Variants in SOX6 observed in about 807,000 individuals in gnomAD.
SOX6 encodes SRY-box transcription factor 6.
In SOX6, 11 loss-of-function variants were observed where a neutral mutation model predicts 97.8. The observed-to-expected ratio is 0.11, with a 90% CI of 0.07 to 0.19. The LOEUF is 0.19. SOX6 is among the 10% of genes least tolerant of loss of function. SOX6 has a pLI of 1.00. For synonymous variants in SOX6, 360 were observed against 371.4 expected (o/e 0.97, Z 0.35); for missense variants, 810 against 1,039.5 (o/e 0.78, Z 3.04).
chr11:16,218,618 T>TAA (rs760258454), intron 4 of SOX6, among the ~76,000 whole-genome samples: 24 of 152,224 alleles, frequency 1.6e-4, no homozygotes, highest in Non-Finnish European at 3.5e-4. Flanking sequence ...GCTTTAAGCA[T>TAA]AAGAACACAA....
intron 6 of SOX6, among the ~76,000 whole-genome samples, chr11:16,138,607 T>A (rs577054664): frequency 1.1e-4 from 17 of 152,222 alleles, no homozygotes; most frequent in East Asian, 9.6e-4. Flanking sequence ...TGTGCAGGTT[T>A]ATTACATATG....
rs1796985299 is a variant in SOX6, at chr11:16,613,678, G to A, written n.430-1418C>T. ...AGACACGCGCGTATTCTGAAATTCTGGCCGAACTCCTCATCTAAACGGAAG... is the reference window on the plus strand; with the variant it reads ...AGACACGCGCGTATTCTGAAATTCTAGCCGAACTCCTCATCTAAACGGAAG... On this transcript the variant is annotated intron_variant and non_coding_transcript_variant, in intron 3 of 5. Coordinates refer to the SOX6 transcript ENST00000524520. This position sits in a 1 kb window ranked among gnomAD's most constrained non-coding sequence, Gnocchi z 4.6. 6.6e-6 allele frequency among the ~76,000 whole-genome samples: 1 copy of A among 152,118 alleles called. No homozygotes were observed. The highest frequency in any genetic ancestry group is 2.1e-4 in the South Asian group (1 of 4,822).
At chr11:16,382,356 A>G (rs911846906) in intron 1 of SOX6, 2 of 151,970 alleles carry the variant, frequency 1.3e-5, no homozygotes, top group African/African-American at 2.4e-5. Flanking sequence ...GGAAGCGTCT[A>G]TTGCTGTCAT....
intron 6 of SOX6, 120 bp from the exon 7 acceptor site, chr11:16,112,043 C>T: frequency 4.0e-6 from 5 of 1,235,538 alleles, no homozygotes; most frequent in Non-Finnish European, 4.6e-6. Flanking sequence ...AACCTCATTC[C>T]AAATCTGCAA....
At chr11:16,498,276 C>A (rs1860642410) in intron 4 of SOX6, among the ~76,000 whole-genome samples, 2 of 152,152 alleles carry the variant, frequency 1.3e-5, no homozygotes, top group Admixed American at 6.5e-5. Flanking sequence ...TTTGTCACCA[C>A]CAGGCCTGCC....
chr11:16,594,423 A>G (rs766370509), intron 4 of SOX6, among the ~76,000 whole-genome samples: 2 of 152,182 alleles, frequency 1.3e-5, no homozygotes, highest in Non-Finnish European at 2.9e-5. Context: ...TTCTTTAAAA[A>G]TGCCTTTAAG....
intron 3 of SOX6, among the ~76,000 whole-genome samples, chr11:16,683,687 T>C (rs1158325791): frequency 6.6e-6 from 1 of 152,140 alleles, no homozygotes; most frequent in Admixed American, 6.5e-5. Context: ...AAAGACTTCA[T>C]GACTAAAACA....
intron 4 of SOX6, among the ~76,000 whole-genome samples, chr11:16,584,783 A>T (rs1848074423): frequency 6.6e-6 from 1 of 152,196 alleles, no homozygotes; most frequent in Non-Finnish European, 1.5e-5. Context: ...TCAACACCAC[A>T]GCGGCCTTCA....
intron 1 of SOX6, among the ~76,000 whole-genome samples, chr11:16,464,416 T>C (rs1285455873): frequency 6.8e-6 from 1 of 146,470 alleles, no homozygotes; most frequent in South Asian, 2.1e-4. Context: ...ACTCAGCACA[T>C]AGCATACAGA....
At chr11:16,011,366 T>C (rs894353579) in intron 13 of SOX6, among the ~76,000 whole-genome samples, 1 of 152,134 alleles carries the variant, frequency 6.6e-6, no homozygotes, top group Non-Finnish European at 1.5e-5. Context: ...CCGGCACCAA[T>C]GAATTTGTAG....
At chr11:16,682,004 C>T (rs1044418086) in intron 3 of SOX6, among the ~76,000 whole-genome samples, 1 of 152,172 alleles carries the variant, frequency 6.6e-6, no homozygotes, top group Admixed American at 6.5e-5. Flanking sequence ...CAGGACCAGA[C>T]AGATTCACAG....
intron 4 of SOX6, among the ~76,000 whole-genome samples, chr11:16,604,277 T>C (rs1243855381): frequency 6.6e-6 from 1 of 152,226 alleles, no homozygotes; most frequent in Non-Finnish European, 1.5e-5. Context: ...CTCCTCGCCA[T>C]GGACCAGCTC....
intron 12 of SOX6, among the ~76,000 whole-genome samples, chr11:16,031,808 G>T (rs549511161): frequency 6.6e-6 from 1 of 152,110 alleles, no homozygotes; most frequent in Non-Finnish European, 1.5e-5. Context: ...GGAGGTTAGG[G>T]AGGGAGAAAG....
chr11:15,975,320 G>A (rs12276728), intron 15 of SOX6, among the ~76,000 whole-genome samples: 64,658 of 151,944 alleles, frequency 0.43, 13,964 homozygotes, highest in African/African-American at 0.46. Flanking sequence ...ATGCCTCATT[G>A]GTTTTTTTAC....
At chr11:16,492,870 C>G (rs1320876241) in intron 4 of SOX6, among the ~76,000 whole-genome samples, 1 of 152,138 alleles carries the variant, frequency 6.6e-6, no homozygotes, top group Non-Finnish European at 1.5e-5. Flanking sequence ...TCAAAATGTG[C>G]TTAACTTCAC....
intron 1 of SOX6, among the ~76,000 whole-genome samples, chr11:16,348,179 A>G (rs1856820093): frequency 6.6e-6 from 1 of 152,182 alleles, no homozygotes; most frequent in Admixed American, 6.6e-5. Context: ...TCCAGCAGGC[A>G]AAGTACTTCT....
intron 4 of SOX6, among the ~76,000 whole-genome samples, chr11:16,599,290 G>A (rs1401024153): frequency 1.3e-5 from 2 of 152,118 alleles, no homozygotes; most frequent in Non-Finnish European, 2.9e-5. Flanking sequence ...TTCGTAGAAA[G>A]AGAGCAAATA....
intron 6 of SOX6, among the ~76,000 whole-genome samples, chr11:16,161,122 A>C (rs929582531): frequency 1.3e-5 from 2 of 152,106 alleles, no homozygotes; most frequent in Non-Finnish European, 2.9e-5. Context: ...GGTTGATTTC[A>C]ATCCACCATG....
At chr11:16,270,721 A>T (rs1403704613) in intron 3 of SOX6, among the ~76,000 whole-genome samples, 1 of 151,382 alleles carries the variant, frequency 6.6e-6, no homozygotes, top group Non-Finnish European at 1.5e-5. Flanking sequence ...ATGCTACAGC[A>T]TAAATGAATC....
Sources: gnomAD v4.1 joint callset for allele counts (sites outside exome capture counted in the v4.1 genomes callset) on GRCh38, gnomAD v4.1.1 for gene constraint, Gnocchi (gnomAD v3.1) non-coding constraint, MANE v1.5 for transcripts, NCBI Gene and HGNC (gene_info 2026-07-23, HGNC 2026-07-21) for gene names.